Variants in TPRG1 observed in about 807,000 individuals in gnomAD.
The protein encoded by TPRG1 is tumor protein p63-regulated gene 1 protein.
TPRG1 carries 29 observed loss-of-function variants against 29.3 expected under a neutral mutation model. The ratio of observed to expected loss-of-function variants is 0.99; its 90% CI spans 0.74 to 1.35. The LOEUF (loss-of-function observed/expected upper bound fraction) is 1.35. TPRG1 is among the 40% of genes most tolerant of loss of function. The pLI is 0.00. For synonymous variants in TPRG1, 130 were observed against 116.8 expected (o/e 1.11, Z -0.73); for missense variants, 327 against 335.0 (o/e 0.98, Z 0.19).
intron 4 of TPRG1, among the ~76,000 whole-genome samples, chr3:189,080,280 G>A (rs138473092): frequency 3.6e-4 from 55 of 152,198 alleles, no homozygotes; most frequent in South Asian, 1.0e-3. Context: ...AGAATAGTAA[G>A]GCAACCCAGA....
intron 4 of TPRG1, among the ~76,000 whole-genome samples, chr3:189,251,116 T>G (rs1742182572): frequency 6.6e-6 from 1 of 152,090 alleles, no homozygotes; most frequent in African/African-American, 2.4e-5. Context: ...TACAGTTGTT[T>G]TGTTTTTTTG....
At chr3:189,113,522 A>T (rs1720801937) in intron 1 of TPRG1, among the ~76,000 whole-genome samples, 1 of 152,050 alleles carries the variant, frequency 6.6e-6, no homozygotes, top group African/African-American at 2.4e-5. Flanking sequence ...TTTGTCATAG[A>T]TAGCTCTTAT....
chr3:189,301,121 C>A (rs767170317), intron 4 of TPRG1, among the ~76,000 whole-genome samples: 86 of 151,726 alleles, frequency 5.7e-4, no homozygotes, highest in Non-Finnish European at 9.9e-4. Context: ...CACAGTGAAA[C>A]CCTGTCTCTA....
chr3:189,216,580 A>G (rs1736097635), intron 3 of TPRG1, among the ~76,000 whole-genome samples: 1 of 152,232 alleles, frequency 6.6e-6, no homozygotes. Context: ...CCCAAATGAG[A>G]TAACGTTGGT....
intron 4 of TPRG1, among the ~76,000 whole-genome samples, chr3:189,248,901 TTCTC>T (rs1218961115): frequency 1.3e-5 from 2 of 151,384 alleles, no homozygotes; most frequent in African/African-American, 2.4e-5. Flanking sequence ...GCTTTCTACT[TTCTC>T]TCTCCTTGGA....
intron 2 of TPRG1, among the ~76,000 whole-genome samples, chr3:189,003,768 T>C (rs755625239): frequency 6.6e-6 from 1 of 152,212 alleles, no homozygotes; most frequent in Non-Finnish European, 1.5e-5. Context: ...TGCTACCCTT[T>C]TAAAGACTCT....
chr3:189,103,179 T>G (rs1464071008), intron 1 of TPRG1, among the ~76,000 whole-genome samples: 3 of 152,212 alleles, frequency 2.0e-5, no homozygotes, highest in African/African-American at 7.2e-5. Context: ...CCACTTGTTT[T>G]TGTAAATAAA....
intron 4 of TPRG1, among the ~76,000 whole-genome samples, chr3:189,148,426 A>G (rs575279710): frequency 6.6e-6 from 1 of 152,358 alleles, no homozygotes; most frequent in East Asian, 1.9e-4. Flanking sequence ...TTATCAAAGC[A>G]GAGGACCTCT....
At chr3:189,272,776 C>G (rs1715453028) in intron 4 of TPRG1, among the ~76,000 whole-genome samples, 1 of 148,544 alleles carries the variant, frequency 6.7e-6, no homozygotes, top group South Asian at 2.1e-4. Context: ...TCCTTCCTTC[C>G]CTCTCTTTCT....
chr3:189,050,716 T>C (rs1391391148), intron 4 of TPRG1, among the ~76,000 whole-genome samples: 1 of 151,988 alleles, frequency 6.6e-6, no homozygotes, highest in Non-Finnish European at 1.5e-5. Flanking sequence ...CAACAGCATA[T>C]CAAAAAGGTA....
intron 1 of TPRG1, among the ~76,000 whole-genome samples, chr3:189,183,680 G>C (rs1350512830): frequency 6.6e-6 from 1 of 151,962 alleles, no homozygotes; most frequent in African/African-American, 2.4e-5. Flanking sequence ...ATTTGCTTTG[G>C]AAAGAAGAGA....
At chr3:189,151,946 A>T (rs1725991600) in intron 5 of TPRG1, among the ~76,000 whole-genome samples, 1 of 152,138 alleles carries the variant, frequency 6.6e-6, no homozygotes. Flanking sequence ...TACTTTAAGG[A>T]CACACTTGTG....
At chr3:189,087,993 T>A (rs1391822941) in intron 4 of TPRG1, among the ~76,000 whole-genome samples, 1 of 150,646 alleles carries the variant, frequency 6.6e-6, no homozygotes, top group African/African-American at 2.5e-5. Flanking sequence ...AATGCGGGAT[T>A]TTTTTGGTTC....
chr3:189,093,223 G>A (rs142557517), intron 4 of TPRG1, among the ~76,000 whole-genome samples: 216 of 152,246 alleles, frequency 1.4e-3, no homozygotes, highest in African/African-American at 5.1e-3. Context: ...AAAAGATGAA[G>A]GAGAAGATTA....
intron 4 of TPRG1, among the ~76,000 whole-genome samples, chr3:189,055,435 G>A (rs1461873312): frequency 6.6e-6 from 1 of 152,112 alleles, no homozygotes; most frequent in Non-Finnish European, 1.5e-5. Context: ...GGTCCGCAAG[G>A]GCCCACTCAG....
intron 5 of TPRG1, among the ~76,000 whole-genome samples, chr3:189,159,871 G>GTGTGTGTGT (rs1727243002): frequency 9.1e-6 from 1 of 110,290 alleles, no homozygotes; most frequent in Non-Finnish European, 2.2e-5. Flanking sequence ...TGTGTGTGGT[G>GTGTGTGTGT]GTGGGGGTAG....
At chr3:189,191,947 A>T (rs748134329) in intron 1 of TPRG1, among the ~76,000 whole-genome samples, 13 of 152,142 alleles carry the variant, frequency 8.5e-5, no homozygotes, top group Non-Finnish European at 1.5e-4. Flanking sequence ...AGTGATGCAA[A>T]CATCTTCTGT....
intron 4 of TPRG1, among the ~76,000 whole-genome samples, chr3:189,282,803 G>A (rs1298767123): frequency 6.6e-6 from 1 of 152,162 alleles, no homozygotes; most frequent in South Asian, 2.1e-4. Flanking sequence ...AGGGAGAAAG[G>A]ATCAGATACG....
intron 1 of TPRG1, among the ~76,000 whole-genome samples, chr3:189,186,255 G>T (rs1393234815): frequency 6.6e-6 from 1 of 152,178 alleles, no homozygotes; most frequent in East Asian, 1.9e-4. Context: ...GAAATGTTGT[G>T]ATTGGTGAGG....
Sources: gnomAD v4.1 joint callset for allele counts (sites outside exome capture counted in the v4.1 genomes callset) on GRCh38, gnomAD v4.1.1 for gene constraint, MANE v1.5 for transcripts, NCBI Gene and HGNC (gene_info 2026-07-23, HGNC 2026-07-21) for gene names.